The following RIPOR1 variants were observed in gnomAD, a reference collection of about 807,000 sequenced individuals.
RIPOR1 encodes the protein rho family-interacting cell polarization regulator 1.
Under a neutral mutation model 116.5 loss-of-function variants are expected in RIPOR1, and 58 were observed. The ratio of observed to expected loss-of-function variants is 0.50; its 90% CI spans 0.40 to 0.62. The LOEUF (loss-of-function observed/expected upper bound fraction) is 0.62, where lower values mean the gene tolerates loss of function less well. Ranked by LOEUF, RIPOR1 falls within the 20% of genes least tolerant of loss-of-function variation. RIPOR1 has a pLI of 0.00. For missense variants in RIPOR1, 1,372 were observed against 1,586.2 expected, an observed-to-expected ratio of 0.86 and a Z score of 2.29; for synonymous variants, 605 against 650.0, an observed-to-expected ratio of 0.93 and a Z score of 1.05.
rs1016396863 is a variant in RIPOR1, at chr16:67,539,084, T to C, written c.336+16T>C. 6.2e-7 allele frequency: 1 copy of C among 1,608,320 alleles called. No homozygotes were observed. The highest frequency in any genetic ancestry group is 8.5e-7 in the Non-Finnish European group (1 of 1,177,668). On this transcript the variant is annotated intron_variant, in intron 4 of 21. Coordinates refer to ENST00000042381, the MANE Select transcript of RIPOR1 (RefSeq NM_024519.4). ...TTCCCGCTTGGTGAGTGGCGGGAGG[T>C]ACGGATGCCCTTTGCCTCTTTGGTG...
chr16:67,526,221 A>T (rs2050538679), upstream of RIPOR1, among the ~76,000 whole-genome samples: 1 of 152,126 alleles, frequency 6.6e-6, no homozygotes, highest in African/African-American at 2.4e-5. Context: ...TTCCAAGTGG[A>T]TGAGGGGGAG....
At chr16:67,539,535 G>A (rs1464540327) in intron 4 of RIPOR1, 193 bp from the exon 5 acceptor site, 3 of 708,762 alleles carry the variant, frequency 4.2e-6, no homozygotes, top group Admixed American at 4.4e-5. Context: ...CCTGGAGGGG[G>A]CTGAAGGGAC....
chr16:67,545,550 T>C lies in RIPOR1; in HGVS notation c.3190+16T>C. 1.2e-6 allele frequency: 2 copies of C among 1,613,486 alleles called. No homozygotes were observed. The highest frequency in any genetic ancestry group is 1.7e-6 in the Non-Finnish European group (2 of 1,179,674). Reference sequence around the variant, plus strand: ...GCTGAGGAGGGTGAGGCGGTGGCCCTGATCACATAGTGGCCTCTTGGGGTC... The same window carrying C: ...GCTGAGGAGGGTGAGGCGGTGGCCCCGATCACATAGTGGCCTCTTGGGGTC... On this transcript the variant is annotated intron_variant, in intron 18 of 21. Coordinates refer to ENST00000042381, the MANE Select transcript of RIPOR1 (RefSeq NM_024519.4). This position sits in a 1 kb window ranked among gnomAD's most constrained non-coding sequence, Gnocchi z 4.8.
chr16:67,535,571 G>T (rs2142479963), intron 1 of RIPOR1, among the ~76,000 whole-genome samples: 1 of 152,314 alleles, frequency 6.6e-6, no homozygotes, highest in African/African-American at 2.4e-5. Context: ...TCTGCACAGG[G>T]TGGTGTCTGT....
Position 67,546,607 on chromosome 16 carries a change from C to A in RIPOR1, c.*144C>A, listed in dbSNP as rs2051178110. 4.4e-6 allele frequency: 3 copies of A among 675,774 alleles called. No individual in the cohort carries two copies. Among genetic ancestry groups the A allele is most frequent in the African/African-American group, 3.6e-5 (2 of 55,572 alleles). 41.9% of individuals were successfully genotyped at this position (675,774 alleles called of 1,614,324 possible). A position where few individuals can be genotyped will look rare whatever the true frequency, so the allele number is the denominator to read the frequency against. ...AAAATCTAATATATTCTTCTGTTGC[C>A]CCTGGGGTTGGAGAGTCAGTGCCTG... is the stretch of plus-strand genomic sequence containing the variant. On this transcript the variant is annotated 3_prime_UTR_variant, in exon 22 of 22. Transcript: ENST00000042381.
chr16:67,534,157 A>C (rs2050735129), intron 1 of RIPOR1, among the ~76,000 whole-genome samples: 1 of 150,760 alleles, frequency 6.6e-6, no homozygotes, highest in Non-Finnish European at 1.5e-5. Context: ...TTTTTAAGAA[A>C]GAATCTTGCT....
Position 67,529,653 on chromosome 16 carries a change from G to C in RIPOR1, c.-24+739G>C. Reference sequence around the variant, plus strand: ...CCTCTCCAGGGTGAGCCCTGAGTCCGGCCTCCCCTACAGACCCTCCCCAGC... The same window carrying C: ...CCTCTCCAGGGTGAGCCCTGAGTCCCGCCTCCCCTACAGACCCTCCCCAGC... On this transcript the variant is annotated intron_variant, in intron 1 of 21. Transcript: ENST00000042381. This position sits in a 1 kb window ranked among gnomAD's most constrained non-coding sequence, Gnocchi z 4.1. 9.6e-7 allele frequency: 1 copy of C among 1,038,222 alleles called. No homozygotes were observed. The highest frequency in any genetic ancestry group is 1.4e-6 in the Non-Finnish European group (1 of 723,660). The allele number at this position is 1,038,222 out of a possible 1,614,324, so 64.3% of individuals were successfully genotyped here.
chr16:67,539,993 G>A (rs1597642589), intron 6 of RIPOR1, 60 bp from the exon 7 acceptor site: 3 of 1,613,872 alleles, frequency 1.9e-6, no homozygotes, highest in South Asian at 1.1e-5. Context: ...CAACCTTAGA[G>A]GTGAGTAACC....
chr16:67,546,373 G>T lies in RIPOR1; in HGVS notation c.3570G>T (p.Glu1190Asp), dbSNP rs985766895. Residue 1190 changes from glutamate to aspartate, a missense_variant, in exon 22 of 22, where the codon GAG (glutamate) becomes GAT (aspartate). This residue lies in a region of RIPOR1 where 1,005 missense variants were observed against 1,144.7 expected (regional missense o/e 0.88). Coordinates refer to ENST00000042381, the MANE Select transcript of RIPOR1 (RefSeq NM_024519.4). ...ARQSLQQCGE[E>D]GQSAHRRLEE... ...CATCCTCACTCATTACAGGAGAAGA[G>T]GGACAGTCTGCCCATCGACGGCTGG... 2.5e-6 allele frequency: 4 copies of T among 1,614,024 alleles called. No homozygotes were observed. The highest frequency in any genetic ancestry group is 1.7e-6 in the Non-Finnish European group (2 of 1,179,994).
At chr16:67,528,989 C>T (rs1167614107) in intron 1 of RIPOR1, 75 bp downstream of exon 1, 2 of 169,452 alleles carry the variant, frequency 1.2e-5, no homozygotes, top group South Asian at 9.8e-5. Context: ...GCCCCCCCGC[C>T]GGCGCCGCCC....
chr16:67,529,769 G>A lies in RIPOR1; in HGVS notation c.-24+855G>A, dbSNP rs2050605112. The A allele has an allele frequency of 6.5e-7, 1 of 1,535,094 alleles. No homozygotes were observed. The highest frequency in any genetic ancestry group is 1.2e-5 in the South Asian group (1 of 84,012). ...CTTGTGCCCTGGCTGCAGTCTGCGG[G>A]GCCGCGCCCTGGGCCTGCCGCATTC... On this transcript the variant is annotated intron_variant, in intron 1 of 21. Coordinates refer to ENST00000042381, the MANE Select transcript of RIPOR1 (RefSeq NM_024519.4). The surrounding 1 kb of genome is among the most constrained non-coding windows in gnomAD (Gnocchi z 4.1).
chr16:67,538,976 GCC>G lies in RIPOR1; in HGVS notation c.258-11_258-10del. On this transcript the variant is annotated splice_polypyrimidine_tract_variant and intron_variant, in intron 3 of 21. Transcript: ENST00000042381. The stretch of plus-strand genomic sequence containing the variant: ...GAGAGCCGAGTTCATTCTTGTGGTC[GCC>G]CCTTTCCTCAGGGCCTACTTGGAAG... The G allele has an allele frequency of 1.2e-6, 2 of 1,613,598 alleles. No homozygotes were observed. The highest frequency in any genetic ancestry group is 2.2e-5 in the South Asian group (2 of 91,052).
chr16:67,539,818 G>C (rs201137113), intron 5 of RIPOR1, 28 bp from the exon 6 acceptor site: 2 of 1,614,188 alleles, frequency 1.2e-6, no homozygotes, highest in Non-Finnish European at 1.7e-6. Flanking sequence ...CTGGGCCTCA[G>C]GCCCCTCCTG....
chr16:67,535,231 G>A (rs903777125), intron 1 of RIPOR1, among the ~76,000 whole-genome samples: 3 of 152,206 alleles, frequency 2.0e-5, no homozygotes, highest in Non-Finnish European at 4.4e-5. Flanking sequence ...AAGATGACTA[G>A]GGTCACACTT....
chr16:67,534,835 CTTTTTTTTTTTTTTTTTTT>C (rs553858194), intron 1 of RIPOR1, among the ~76,000 whole-genome samples: 4 of 79,022 alleles, frequency 5.1e-5, no homozygotes, highest in Non-Finnish European at 9.2e-5. Context: ...TTCTTTTTTT[CTTTTTTTTTTTTTTTTTTT>C]TTTTTTGAGA....
Position 67,544,286 on chromosome 16 carries a change from AT to A in RIPOR1, c.2601-8del, listed in dbSNP as rs1176298569. On this transcript the variant is annotated splice_polypyrimidine_tract_variant and intron_variant, in intron 14 of 21. Coordinates refer to ENST00000042381, the MANE Select transcript of RIPOR1 (RefSeq NM_024519.4). The surrounding 1 kb of genome is among the most constrained non-coding windows in gnomAD (Gnocchi z 5.1). ...GTGTGCCTGTGGGGTGGTGGACCCC[AT>A]TTTTCCCTCAGGCCTCCAAGCAGCC... The A allele has an allele frequency of 3.1e-6, 5 of 1,590,968 alleles. No homozygotes were observed. Among genetic ancestry groups the A allele is most frequent in the Admixed American group, 1.7e-5 (1 of 58,712 alleles).
At position 67,543,553 on chromosome 16, in the gene RIPOR1, T is replaced by A. The variant is rs2051067588; in HGVS notation, c.2600+84T>A. 1 of 1,526,272 alleles carries A rather than the reference T, an allele frequency of 6.6e-7. No individual in the cohort carries two copies. Among genetic ancestry groups the A allele is most frequent in the East Asian group, 2.5e-5 (1 of 40,788 alleles). The allele number at this position is 1,526,272 out of a possible 1,614,324, so 94.5% of individuals were successfully genotyped here. A position where few individuals can be genotyped will look rare whatever the true frequency, so the allele number is the denominator to read the frequency against. Reference sequence around the variant, plus strand: ...ACCAGGGGAAGGTGGAACAGGTGAATTGGGAGAAAGTCAAAGGACAGGACA... The same window carrying A: ...ACCAGGGGAAGGTGGAACAGGTGAAATGGGAGAAAGTCAAAGGACAGGACA... On this transcript the variant is annotated intron_variant, in intron 14 of 21. Transcript: ENST00000042381. This position sits in a 1 kb window ranked among gnomAD's most constrained non-coding sequence, Gnocchi z 4.7.
chr16:67,520,464 A>AGAGAAGAGAAGAGAAGAGAAGAG (rs56027612), intron 1 of RIPOR1, among the ~76,000 whole-genome samples: 2 of 151,628 alleles, frequency 1.3e-5, no homozygotes, highest in Admixed American at 6.6e-5. Context: ...AGAGAAGAGA[A>AGAGAAGAGAAGAGAAGAGAAGAG]AAAAGAAAAG....
At position 67,541,819 on chromosome 16, in the gene RIPOR1, C is replaced by T. The variant is rs763202927; in HGVS notation, c.1080+37C>T. 2.5e-6 allele frequency: 4 copies of T among 1,613,768 alleles called. No individual in the cohort carries two copies. The African/African-American group carries it at 4.0e-5, about 16-fold the overall frequency. ...CCCAGGTCCAGGCCTCACCATCCCC[C>T]AGAGGCTCCCTGGGGGTGGTTCTGA... On this transcript the variant is annotated intron_variant, in intron 12 of 21. Transcript: ENST00000042381. This position sits in a 1 kb window ranked among gnomAD's most constrained non-coding sequence, Gnocchi z 4.6.
Sources: gnomAD v4.1 joint callset for allele counts (sites outside exome capture counted in the v4.1 genomes callset) on GRCh38, gnomAD v4.1.1 for gene constraint, gnomAD v4.1.1 regional missense constraint, Gnocchi (gnomAD v3.1) non-coding constraint, MANE v1.5 for transcripts, NCBI Gene and HGNC (gene_info 2026-07-23, HGNC 2026-07-21) for gene names.